Variants in TOM1L2 observed in about 807,000 individuals in gnomAD.
TOM1L2 encodes the protein target of myb1 like 2 membrane trafficking protein.
TOM1L2 carries 31 observed loss-of-function variants against 67.9 expected under a neutral mutation model. That is an observed-to-expected ratio of 0.46 (90% CI 0.34 to 0.62). The LOEUF is 0.62. Among genes scored for constraint, TOM1L2 ranks in the 20% least tolerant of loss-of-function variants. TOM1L2 has a pLI of 0.01. For synonymous variants in TOM1L2, 256 were observed against 254.0 expected, an observed-to-expected ratio of 1.01 and a Z score of -0.07; for missense variants, 606 against 663.5, an observed-to-expected ratio of 0.91 and a Z score of 0.95.
chr17:17,873,489 C>T (rs2037257915), intron 7 of TOM1L2, among the ~76,000 whole-genome samples: 1 of 152,156 alleles, frequency 6.6e-6, no homozygotes, highest in African/African-American at 2.4e-5. Context: ...CAGCAGAAGC[C>T]CCGAAACAAA....
chr17:17,877,867 T>A (rs1388000259), intron 7 of TOM1L2, among the ~76,000 whole-genome samples: 1 of 151,024 alleles, frequency 6.6e-6, no homozygotes, highest in African/African-American at 2.4e-5. Flanking sequence ...TCTTGGCTGA[T>A]GGGCTTGTTT....
intron 1 of TOM1L2, among the ~76,000 whole-genome samples, chr17:17,956,535 AG>A (rs2144967021): frequency 6.6e-6 from 1 of 152,344 alleles, no homozygotes; most frequent in East Asian, 1.9e-4. Flanking sequence ...GACCGGGCGC[AG>A]TGGAGCAGGG....
intron 1 of TOM1L2, among the ~76,000 whole-genome samples, chr17:17,938,766 GTT>G (rs372811565): frequency 3.4e-5 from 5 of 144,960 alleles, no homozygotes; most frequent in Non-Finnish European, 7.6e-5. Context: ...GGTTGAAAGG[GTT>G]TTTTTTTTTT....
intron 8 of TOM1L2, among the ~76,000 whole-genome samples, chr17:17,868,168 G>A (rs1360648919): frequency 6.6e-6 from 1 of 152,188 alleles, no homozygotes; most frequent in Non-Finnish European, 1.5e-5. Context: ...AAGGGGCCTC[G>A]GGCTGGGAGT....
chr17:17,871,855 G>A, intron 7 of TOM1L2: 1 of 549,498 alleles, frequency 1.8e-6, no homozygotes, highest in Non-Finnish European at 2.3e-6. Context: ...CCAGCAGTAA[G>A]CACTTATAAA....
chr17:17,851,068 C>A, intron 12 of TOM1L2, 116 bp from the exon 13 acceptor site: 2 of 1,167,846 alleles, frequency 1.7e-6, no homozygotes, highest in South Asian at 2.5e-5. Context: ...AAAATGTACA[C>A]AGAGCAAAAA....
rs2036551882 is a variant in TOM1L2, at chr17:17,861,406, C to A, written c.1278+70G>T. 2.7e-6 allele frequency: 4 copies of A among 1,475,816 alleles called. No homozygotes were observed. In the South Asian group the frequency reaches 4.6e-5, roughly 17 times the overall value. The allele number at this position is 1,475,816 out of a possible 1,614,324, so 91.4% of individuals were successfully genotyped here. A position where few individuals can be genotyped will look rare whatever the true frequency, so the allele number is the denominator to read the frequency against. Reference sequence around the variant, plus strand: ...AGCCAGTTTCTGCTGAATTACCCAGCCAGCTTTGCCAAACCACCTGACTTT... The same window carrying A: ...AGCCAGTTTCTGCTGAATTACCCAGACAGCTTTGCCAAACCACCTGACTTT... On this transcript the variant is annotated intron_variant, in intron 12 of 14. Coordinates refer to ENST00000379504, the MANE Select transcript of TOM1L2 (RefSeq NM_001082968.2).
intron 1 of TOM1L2, among the ~76,000 whole-genome samples, chr17:17,966,485 G>A (rs1336391362): frequency 6.6e-6 from 1 of 152,200 alleles, no homozygotes; most frequent in Non-Finnish European, 1.5e-5. Flanking sequence ...AGCATCACTA[G>A]AGAACTTGAC....
intron 5 of TOM1L2, 66 bp downstream of exon 5, chr17:17,884,568 G>A (rs2037895153): frequency 1.3e-6 from 2 of 1,599,476 alleles, no homozygotes; most frequent in Non-Finnish European, 1.7e-6. Flanking sequence ...CAGAAGGGTG[G>A]CTGCAGCAGC....
At chr17:17,904,219 C>G (rs1044645866) in intron 2 of TOM1L2, among the ~76,000 whole-genome samples, 1 of 152,136 alleles carries the variant, frequency 6.6e-6, no homozygotes, top group East Asian at 1.9e-4. Flanking sequence ...AAAAAGGTAG[C>G]AACAGGAGCT....
intron 2 of TOM1L2, among the ~76,000 whole-genome samples, chr17:17,903,063 A>ACTC (rs934196839): frequency 6.6e-6 from 1 of 151,698 alleles, no homozygotes; most frequent in Non-Finnish European, 1.5e-5. Flanking sequence ...ACTCTGTAAG[A>ACTC]CTCCAGTCTG....
At chr17:17,930,250 T>C (rs1351054411) in intron 1 of TOM1L2, among the ~76,000 whole-genome samples, 1 of 152,126 alleles carries the variant, frequency 6.6e-6, no homozygotes, top group African/African-American at 2.4e-5. Flanking sequence ...AAGTGGGGTA[T>C]AGAGAATTAC....
chr17:17,901,684 G>A (rs1365380792), intron 2 of TOM1L2, among the ~76,000 whole-genome samples: 7 of 152,204 alleles, frequency 4.6e-5, no homozygotes, highest in Admixed American at 3.3e-4. Context: ...CATGTCTTCA[G>A]TTCCTCCTCT....
intron 1 of TOM1L2, among the ~76,000 whole-genome samples, chr17:17,961,645 G>A (rs187473884): frequency 2.5e-4 from 38 of 152,144 alleles, no homozygotes; most frequent in Non-Finnish European, 4.1e-4. Context: ...AGGCCGAGGC[G>A]GGCGCATCAT....
chr17:17,940,941 T>G (rs2040708754), intron 1 of TOM1L2, among the ~76,000 whole-genome samples: 1 of 152,246 alleles, frequency 6.6e-6, no homozygotes. Flanking sequence ...GAGGCTTCTC[T>G]ATGATGCTTG....
At chr17:17,847,814 T>C (rs375892178) in intron 14 of TOM1L2, 31 bp from the exon 15 acceptor site, 6 of 1,613,250 alleles carry the variant, frequency 3.7e-6, no homozygotes, top group Non-Finnish European at 5.1e-6. Context: ...AGGGTCAGGG[T>C]TGGTGAGGGC....
chr17:17,869,404 C>A lies in TOM1L2; in HGVS notation c.847G>T (p.Glu283Ter), dbSNP rs1480610218. The change falls in exon 8 of 15, where the codon GAG becomes TAG. Residue 283 changes from glutamate (E) to a stop codon, truncating the protein, a stop_gained. Coordinates refer to ENST00000379504, the MANE Select transcript of TOM1L2 (RefSeq NM_001082968.2). LOFTEE classifies it high-confidence loss of function. Reference protein sequence around the residue: ...VELISRVSNEEVTEELLHVND... With the variant: ...VELISRVSNE ...ACATGCAGCAGCTCCTCGGTGACCT[C>A]CTCATTGGACACGCGGGAGATGAGC... is the stretch of plus-strand genomic sequence containing the variant. 1 of 1,613,696 alleles carries A rather than the reference C, an allele frequency of 6.2e-7. No homozygotes were observed. Among genetic ancestry groups the A allele is most frequent in the African/African-American group, 1.3e-5 (1 of 75,026 alleles).
chr17:17,851,286 A>G (rs2143514823), intron 12 of TOM1L2: 1 of 367,676 alleles, frequency 2.7e-6, no homozygotes, highest in African/African-American at 2.1e-5. Flanking sequence ...CCGGGGCTGC[A>G]AAACACCTTC....
In TOM1L2 at chr17:17,870,134, A is replaced by T. The variant is rs573967615; in HGVS notation, c.778-661T>A. Among the ~76,000 whole-genome samples, 10 of 152,242 alleles carry T rather than the reference A, an allele frequency of 6.6e-5. No homozygotes were observed. The East Asian group carries it at 1.9e-3, about 29-fold the overall frequency. ...TGTATTTTATGACTGCATTAGGTATATTTTGGTGGCACGTCTGCCACTTTG... is the reference window on the plus strand; with the variant it reads ...TGTATTTTATGACTGCATTAGGTATTTTTTGGTGGCACGTCTGCCACTTTG... On this transcript the variant is annotated intron_variant, in intron 7 of 14. Transcript: ENST00000379504.
Sources: allele counts gnomAD v4.1 joint callset (sites outside exome capture counted in the v4.1 genomes callset), GRCh38; gene constraint gnomAD v4.1.1; transcripts MANE v1.5; gene names NCBI Gene and HGNC (gene_info 2026-07-23, HGNC 2026-07-21).